DYNC1I2: variants seen among roughly 807,000 people sequenced by gnomAD.
The protein encoded by DYNC1I2 is dynein cytoplasmic 1 intermediate chain 2.
DYNC1I2 carries 53 observed loss-of-function variants against 88.6 expected under a neutral mutation model. That is an observed-to-expected ratio of 0.60 (90% CI 0.48 to 0.75). The LOEUF is 0.75. Among genes scored for constraint, DYNC1I2 ranks in the 30% least tolerant of loss-of-function variants. The pLI is 0.00. For missense variants in DYNC1I2, 458 were observed against 766.6 expected, an observed-to-expected ratio of 0.60 and a Z score of 4.75; for synonymous variants, 198 against 254.6, an observed-to-expected ratio of 0.78 and a Z score of 2.12.
At chr2:171,738,939 A>G (rs1056531844) in intron 15 of DYNC1I2, among the ~76,000 whole-genome samples, 3 of 152,172 alleles carry the variant, frequency 2.0e-5, no homozygotes, top group Admixed American at 1.3e-4. Flanking sequence ...ACCGGAGGTC[A>G]GGAGTTCGAG....
intron 10 of DYNC1I2, 191 bp from the exon 11 acceptor site, chr2:171,726,600 A>G: frequency 1.6e-6 from 1 of 626,882 alleles, no homozygotes; most frequent in Non-Finnish European, 2.5e-6. Flanking sequence ...TAAAACATTT[A>G]AAATAATTAA....
intron 15 of DYNC1I2, among the ~76,000 whole-genome samples, chr2:171,735,850 G>T (rs1429353285): frequency 6.6e-6 from 1 of 152,148 alleles, no homozygotes; most frequent in African/African-American, 2.4e-5. Context: ...TAAAACATAA[G>T]AATTATTTAC....
chr2:171,712,722 T>A (rs761198037), intron 5 of DYNC1I2, 45 bp from the exon 6 acceptor site: 4 of 1,429,842 alleles, frequency 2.8e-6, no homozygotes, highest in African/African-American at 1.4e-5. Context: ...GACTAACTTA[T>A]GGCCTTTTTT....
At chr2:171,693,130 T>G in intron 3 of DYNC1I2, 1 of 434,530 alleles carries the variant, frequency 2.3e-6, no homozygotes, top group Non-Finnish European at 4.2e-6. Flanking sequence ...TTGACTTCTC[T>G]TATTAAATCA....
chr2:171,712,683 C>A, intron 5 of DYNC1I2, 84 bp from the exon 6 acceptor site: 1 of 945,400 alleles, frequency 1.1e-6, no homozygotes, highest in Non-Finnish European at 1.7e-6. Flanking sequence ...AGTACTTTAG[C>A]TTTAGCTATT....
chr2:171,713,064 T>C (rs1468412844), intron 6 of DYNC1I2, among the ~76,000 whole-genome samples: 2 of 152,180 alleles, frequency 1.3e-5, no homozygotes, highest in African/African-American at 4.8e-5. Context: ...TCTATGTTTT[T>C]AATACAAGTT....
At chr2:171,709,578 T>C (rs921777023) in intron 5 of DYNC1I2, among the ~76,000 whole-genome samples, 8 of 152,230 alleles carry the variant, frequency 5.3e-5, no homozygotes, top group Non-Finnish European at 1.2e-4. Context: ...ATAGTTTTTT[T>C]AATGATAAAT....
Position 171,728,810 on chromosome 2 carries a change from A to G in DYNC1I2, c.1351A>G (p.Ser451Gly). Residue 451 changes from serine to glycine, a missense_variant, in exon 14 of 18, where the codon AGT becomes GGT. Ser to Gly is a moderately conservative substitution (Grantham distance 56, BLOSUM62 0). This residue lies in a region of DYNC1I2 where 188 missense variants were observed against 300.4 expected (regional missense o/e 0.63). Coordinates refer to ENST00000397119, the MANE Select transcript of DYNC1I2 (RefSeq NM_001378.3). ...AGATGTCAACAACTTTGTTGTTGGG[A>G]GTGAAGAAGGTTCTGTGTACACAGC... is the stretch of plus-strand genomic sequence containing the variant. ...VGDVNNFVVGSEEGSVYTACR... is the reference protein window; with the variant it reads ...VGDVNNFVVGGEEGSVYTACR... The G allele has an allele frequency of 6.2e-7, 1 of 1,611,376 alleles. No homozygotes were observed. Among genetic ancestry groups the G allele is most frequent in the East Asian group, 2.2e-5 (1 of 44,788 alleles).
rs1233201516 is a variant in DYNC1I2, at chr2:171,690,260, AG to A, written c.106del (p.Glu36LysfsTer34). The A allele has an allele frequency of 1.3e-6, 2 of 1,540,454 alleles. No homozygotes were observed. Among genetic ancestry groups the A allele is most frequent in the African/African-American group, 1.4e-5 (1 of 72,260 alleles). On this transcript the variant is annotated frameshift_variant and splice_region_variant, in exon 2 of 18. Transcript: ENST00000397119. LOFTEE classifies it high-confidence loss of function. ...GAAAAGAAGAAGAAAGGAAAAAAAA[AG>A]AAGTATGTTTGATTTTTTTGCTTAA... ...KRKEEERKKK[E>X]TDQKKEAVAP...
chr2:171,712,038 C>T (rs1387725945), intron 5 of DYNC1I2, among the ~76,000 whole-genome samples: 1 of 152,058 alleles, frequency 6.6e-6, no homozygotes, highest in Non-Finnish European at 1.5e-5. Flanking sequence ...AGCCAGCAGG[C>T]GATGCTAAAA....
intron 4 of DYNC1I2, 85 bp downstream of exon 4, chr2:171,706,649 T>C: frequency 7.8e-7 from 1 of 1,287,728 alleles, no homozygotes; most frequent in Admixed American, 1.9e-5. Context: ...CATGCTGTTT[T>C]ATTGCCTGTT....
At chr2:171,727,316 T>G (rs916902044) in intron 11 of DYNC1I2, among the ~76,000 whole-genome samples, 3 of 152,200 alleles carry the variant, frequency 2.0e-5, no homozygotes, top group Non-Finnish European at 2.9e-5. Flanking sequence ...TGGAACTAGA[T>G]GGTTTTAAGT....
chr2:171,720,370 G>C (rs1687819823), intron 7 of DYNC1I2, among the ~76,000 whole-genome samples: 1 of 152,126 alleles, frequency 6.6e-6, no homozygotes, highest in African/African-American at 2.4e-5. Flanking sequence ...TGATTATCTT[G>C]TAATCACTTA....
At chr2:171,717,595 G>A (rs1340206427) in intron 7 of DYNC1I2, among the ~76,000 whole-genome samples, 8 of 152,102 alleles carry the variant, frequency 5.3e-5, no homozygotes, top group Non-Finnish European at 7.4e-5. Context: ...AAGAAAGAAA[G>A]TATGGAGCTT....
intron 3 of DYNC1I2, among the ~76,000 whole-genome samples, chr2:171,697,285 G>A (rs1393201224): frequency 1.3e-5 from 2 of 151,934 alleles, no homozygotes; most frequent in African/African-American, 4.8e-5. Flanking sequence ...GCCTCCCAAG[G>A]TGCTGGGATT....
At chr2:171,728,027 C>T in intron 12 of DYNC1I2, 60 bp downstream of exon 12, 2 of 1,538,350 alleles carry the variant, frequency 1.3e-6, no homozygotes, top group Middle Eastern at 1.7e-4. Context: ...AGCTATAATA[C>T]TTAGTAGTGG....
chr2:171,734,707 G>C (rs1359594344), intron 15 of DYNC1I2, among the ~76,000 whole-genome samples: 1 of 152,102 alleles, frequency 6.6e-6, no homozygotes, highest in Non-Finnish European at 1.5e-5. Context: ...CTCTGTGAAG[G>C]GTAGAGAAGA....
In DYNC1I2 at chr2:171,745,842, T is replaced by G. The variant is rs760900760; in HGVS notation, c.1718T>G (p.Leu573Arg). The G allele has an allele frequency of 6.2e-7, 1 of 1,613,904 alleles. No homozygotes were observed. Among genetic ancestry groups the G allele is most frequent in the South Asian group, 1.1e-5 (1 of 91,076 alleles). The change falls in exon 17 of 18, where the codon CTT becomes CGT. Residue 573 changes from leucine (L) to arginine (R), a missense_variant. Leu to Arg is a moderately radical substitution (Grantham distance 102). This residue lies in a region of DYNC1I2 where 188 missense variants were observed against 300.4 expected (regional missense o/e 0.63). Coordinates refer to ENST00000397119, the MANE Select transcript of DYNC1I2 (RefSeq NM_001378.3). Reference sequence around the variant, plus strand: ...ATTTCTGTGGAGGGTAATCCTGCTCTTAATCGTGTGAGATGGACCCATTCT... The same window carrying G: ...ATTTCTGTGGAGGGTAATCCTGCTCGTAATCGTGTGAGATGGACCCATTCT... ...ASISVEGNPA[L>R]NRVRWTHSGR...
intron 15 of DYNC1I2, among the ~76,000 whole-genome samples, chr2:171,733,757 G>C (rs1688805747): frequency 7.4e-6 from 1 of 135,738 alleles, no homozygotes; most frequent in East Asian, 2.0e-4. Flanking sequence ...TTGTTTTTTA[G>C]GGGTTTTTTT....
Sources: gnomAD v4.1 joint callset for allele counts (sites outside exome capture counted in the v4.1 genomes callset) on GRCh38, gnomAD v4.1.1 for gene constraint, gnomAD v4.1.1 regional missense constraint, MANE v1.5 for transcripts, NCBI Gene and HGNC (gene_info 2026-07-23, HGNC 2026-07-21) for gene names.